The following HS3ST4 variants were observed in gnomAD, a reference collection of about 807,000 sequenced individuals.
HS3ST4 encodes the protein heparan sulfate glucosamine 3-O-sulfotransferase 4.
In HS3ST4, 17 loss-of-function variants were observed where a neutral mutation model predicts 29.2. That is an observed-to-expected ratio of 0.58 (90% CI 0.40 to 0.87). The LOEUF (loss-of-function observed/expected upper bound fraction) is 0.87. Among genes scored for constraint, HS3ST4 ranks in the 40% least tolerant of loss-of-function variants. The pLI is 0.00. For synonymous variants in HS3ST4, 314 were observed against 285.7 expected (o/e 1.10, Z -1.00); for missense variants, 627 against 634.5 (o/e 0.99, Z 0.13).
chr16:25,909,223 C>A (rs929898938), intron 1 of HS3ST4, among the ~76,000 whole-genome samples: 1 of 152,128 alleles, frequency 6.6e-6, no homozygotes, highest in Non-Finnish European at 1.5e-5. Context: ...GGCTCTTGCT[C>A]TGCAGCCCAG....
chr16:25,907,451 T>C (rs1043102869), intron 1 of HS3ST4, among the ~76,000 whole-genome samples: 2 of 152,126 alleles, frequency 1.3e-5, no homozygotes, highest in Non-Finnish European at 2.9e-5. Flanking sequence ...ATTCCAGCCA[T>C]GCACCTTGGA....
intron 1 of HS3ST4, among the ~76,000 whole-genome samples, chr16:26,035,887 T>G (rs1317884904): frequency 1.3e-5 from 2 of 152,290 alleles, no homozygotes; most frequent in East Asian, 3.9e-4. Flanking sequence ...TCAAGTCAAC[T>G]CCCCATGACT....
intron 1 of HS3ST4, among the ~76,000 whole-genome samples, chr16:25,727,522 A>G (rs1282104607): frequency 6.6e-6 from 1 of 152,236 alleles, no homozygotes; most frequent in East Asian, 1.9e-4. Flanking sequence ...GGGAAAAAAT[A>G]ACACTCAATT....
At chr16:26,128,917 A>G (rs1004635628) in intron 1 of HS3ST4, among the ~76,000 whole-genome samples, 1 of 152,180 alleles carries the variant, frequency 6.6e-6, no homozygotes, top group African/African-American at 2.4e-5. Flanking sequence ...TCTTGGGTTC[A>G]TCAGCAGGGC....
At chr16:26,073,424 G>C (rs1183385359) in intron 1 of HS3ST4, among the ~76,000 whole-genome samples, 1 of 151,962 alleles carries the variant, frequency 6.6e-6, no homozygotes, top group African/African-American at 2.4e-5. Context: ...ACCCAGGCTG[G>C]AGTGCAGTGA....
At chr16:25,697,204 C>T (rs565064574) in intron 1 of HS3ST4, among the ~76,000 whole-genome samples, 67 of 152,316 alleles carry the variant, frequency 4.4e-4, no homozygotes, top group African/African-American at 1.5e-3. Flanking sequence ...AGCACCTGTT[C>T]TCCTGGAACT....
intron 1 of HS3ST4, among the ~76,000 whole-genome samples, chr16:25,743,052 T>G (rs1292942501): frequency 1.3e-5 from 2 of 152,174 alleles, no homozygotes; most frequent in Non-Finnish European, 2.9e-5. Context: ...CAGAAGTAAG[T>G]CCACGATACC....
At chr16:25,737,722 C>T (rs1244580577) in intron 1 of HS3ST4, among the ~76,000 whole-genome samples, 3 of 151,996 alleles carry the variant, frequency 2.0e-5, no homozygotes, top group Non-Finnish European at 2.9e-5. Context: ...GTACTTGTAC[C>T]CCTTACAAGT....
intron 1 of HS3ST4, among the ~76,000 whole-genome samples, chr16:25,728,591 TCATGG>T (rs1966552068): frequency 6.6e-6 from 1 of 152,232 alleles, no homozygotes; most frequent in South Asian, 2.1e-4. Flanking sequence ...AGGAAAGTAT[TCATGG>T]GAATTAAAGA....
At chr16:25,714,920 TAA>T (rs1298863908) in intron 1 of HS3ST4, among the ~76,000 whole-genome samples, 2 of 152,244 alleles carry the variant, frequency 1.3e-5, no homozygotes, top group Non-Finnish European at 1.5e-5. Context: ...GTATGCACTT[TAA>T]AATTCTGGAT....
chr16:25,741,147 T>C (rs982727249), intron 1 of HS3ST4, among the ~76,000 whole-genome samples: 5 of 152,114 alleles, frequency 3.3e-5, no homozygotes, highest in African/African-American at 1.2e-4. Flanking sequence ...CTTTAACAAA[T>C]CTTGAAACAT....
intron 1 of HS3ST4, among the ~76,000 whole-genome samples, chr16:25,831,389 C>A (rs1967296526): frequency 7.4e-6 from 1 of 135,346 alleles, no homozygotes; most frequent in African/African-American, 2.9e-5. Flanking sequence ...TAATGAGACC[C>A]CGTCTCTACA....
chr16:26,001,044 C>T lies in HS3ST4; in HGVS notation c.735-134568C>T, dbSNP rs146518103. Among the ~76,000 whole-genome samples the T allele has an allele frequency of 1.1e-3, 172 of 152,026 alleles. 2 individuals carry two copies. Among genetic ancestry groups the T allele is most frequent in the Admixed American group, 2.2e-3 (34 of 15,258 alleles). On this transcript the variant is annotated intron_variant, in intron 1 of 1. Coordinates refer to ENST00000331351, the MANE Select transcript of HS3ST4 (RefSeq NM_006040.3). ...GTGCAATCTCTGATTCTCAATGGATCCTGTACTAGAGGGGAAAAAAAGCAA... is the reference window on the plus strand; with the variant it reads ...GTGCAATCTCTGATTCTCAATGGATTCTGTACTAGAGGGGAAAAAAAGCAA...
chr16:25,904,618 C>G (rs1165956675), intron 1 of HS3ST4, among the ~76,000 whole-genome samples: 1 of 152,042 alleles, frequency 6.6e-6, no homozygotes, highest in East Asian at 1.9e-4. Context: ...TTCATTTATT[C>G]CTATCTTCAT....
intron 1 of HS3ST4, among the ~76,000 whole-genome samples, chr16:25,740,449 G>C (rs1966644416): frequency 6.6e-6 from 1 of 152,112 alleles, no homozygotes; most frequent in Non-Finnish European, 1.5e-5. Context: ...TGGATGCACT[G>C]AGCCCCAAAG....
In HS3ST4 at chr16:26,020,060, C is replaced by A. The variant is rs575383284; in HGVS notation, c.735-115552C>A. ...TGTGCTTCCCCTAAACACCGCCCCC[C>A]CTACCAAATACACTCGGATCCCACC... On this transcript the variant is annotated intron_variant, in intron 1 of 1. Coordinates refer to ENST00000331351, the MANE Select transcript of HS3ST4 (RefSeq NM_006040.3). 2.0e-4 allele frequency among the ~76,000 whole-genome samples: 30 copies of A among 152,260 alleles called. No individual in the cohort carries two copies. The South Asian group carries it at 2.5e-3, about 13-fold the overall frequency.
intron 1 of HS3ST4, among the ~76,000 whole-genome samples, chr16:26,133,948 G>A (rs1898244708): frequency 6.6e-6 from 1 of 152,188 alleles, no homozygotes; most frequent in Non-Finnish European, 1.5e-5. Flanking sequence ...GTACTGACAG[G>A]TATTGAACAG....
intron 1 of HS3ST4, among the ~76,000 whole-genome samples, chr16:26,089,858 C>T (rs530856343): frequency 6.6e-6 from 1 of 152,272 alleles, no homozygotes; most frequent in East Asian, 1.9e-4. Flanking sequence ...TTGGGTAAAT[C>T]ACTTAACCTC....
At chr16:25,890,527 G>T (rs536111363) in intron 1 of HS3ST4, among the ~76,000 whole-genome samples, 1 of 152,286 alleles carries the variant, frequency 6.6e-6, no homozygotes, top group African/African-American at 2.4e-5. Context: ...GAATGTGTTT[G>T]CAAGGAAGGG....
Sources: allele counts gnomAD v4.1 joint callset (sites outside exome capture counted in the v4.1 genomes callset), GRCh38; gene constraint gnomAD v4.1.1; transcripts MANE v1.5; gene names NCBI Gene and HGNC (gene_info 2026-07-23, HGNC 2026-07-21).